The following CDK8 variants were observed in gnomAD, a reference collection of about 807,000 sequenced individuals.
CDK8 encodes the protein cyclin-dependent kinase 8.
A neutral mutation model predicts 71.5 loss-of-function variants in CDK8; 29 were observed. That is an observed-to-expected ratio of 0.41 (90% confidence interval 0.30 to 0.55). The LOEUF (loss-of-function observed/expected upper bound fraction) is 0.55. Among genes scored for constraint, CDK8 ranks in the 20% least tolerant of loss-of-function variants. CDK8 has a pLI of 0.37. For synonymous variants in CDK8, 161 were observed against 192.1 expected, an observed-to-expected ratio of 0.84 and a Z score of 1.34; for missense variants, 288 against 572.6, an observed-to-expected ratio of 0.50 and a Z score of 5.07.
At chr13:26,344,746 CA>C (rs1433079262) in intron 2 of CDK8, among the ~76,000 whole-genome samples, 2,758 of 134,500 alleles carry the variant, frequency 0.021, 25 homozygotes, top group Non-Finnish European at 0.021. Context: ...GAGACTGTCT[CA>C]AAAAAAAAAA....
At chr13:26,372,716 CT>C (rs1376326874) in intron 4 of CDK8, among the ~76,000 whole-genome samples, 2 of 152,146 alleles carry the variant, frequency 1.3e-5, no homozygotes, top group Non-Finnish European at 2.9e-5. Context: ...CCAGTATGAA[CT>C]GCTAATATAA....
At chr13:26,307,321 A>G (rs1874090864) in intron 1 of CDK8, among the ~76,000 whole-genome samples, 3 of 152,196 alleles carry the variant, frequency 2.0e-5, no homozygotes, top group African/African-American at 7.2e-5. Flanking sequence ...TAAAAGTAGA[A>G]GAGGGAGATA....
intron 4 of CDK8, among the ~76,000 whole-genome samples, chr13:26,369,130 C>G (rs954622710): frequency 6.6e-6 from 1 of 151,824 alleles, no homozygotes; most frequent in Non-Finnish European, 1.5e-5. Context: ...TTATTTGTTC[C>G]TTGAAAGTTA....
chr13:26,397,856 A>G (rs1876067686), intron 9 of CDK8, among the ~76,000 whole-genome samples: 1 of 152,194 alleles, frequency 6.6e-6, no homozygotes, highest in Non-Finnish European at 1.5e-5. Context: ...CCATTGTTAC[A>G]GCGTAATAAT....
At chr13:26,272,239 C>T (rs1384489332) in intron 1 of CDK8, among the ~76,000 whole-genome samples, 1 of 151,912 alleles carries the variant, frequency 6.6e-6, no homozygotes, top group Non-Finnish European at 1.5e-5. Flanking sequence ...CACCTGTAAT[C>T]CCAACACTTC....
chr13:26,403,900 G>A, intron 12 of CDK8, 56 bp from the exon 13 acceptor site: 2 of 1,592,850 alleles, frequency 1.3e-6, no homozygotes. Flanking sequence ...CACATATTGG[G>A]ATTGAGCTTC....
chr13:26,303,920 G>A (rs143862055), intron 1 of CDK8, among the ~76,000 whole-genome samples: 1 of 152,034 alleles, frequency 6.6e-6, no homozygotes, highest in African/African-American at 2.4e-5. Flanking sequence ...CTGTTGGTTT[G>A]ATGTTTGCCA....
chr13:26,323,923 T>C (rs1874906739), intron 1 of CDK8, among the ~76,000 whole-genome samples: 1 of 152,144 alleles, frequency 6.6e-6, no homozygotes, highest in Admixed American at 6.6e-5. Flanking sequence ...AGGCATTGGC[T>C]GTCATAGGAA....
At chr13:26,301,491 G>T (rs1020076989) in intron 1 of CDK8, among the ~76,000 whole-genome samples, 16 of 152,122 alleles carry the variant, frequency 1.1e-4, no homozygotes, top group African/African-American at 3.9e-4. Context: ...GAGGCCTAAG[G>T]GTGAGACTTA....
intron 1 of CDK8, among the ~76,000 whole-genome samples, chr13:26,295,713 A>G (rs1433265855): frequency 6.6e-6 from 1 of 152,192 alleles, no homozygotes; most frequent in Non-Finnish European, 1.5e-5. Flanking sequence ...TTTAAGTTGA[A>G]GAGTAAAACC....
chr13:26,323,049 TA>T (rs1367993827), intron 1 of CDK8, among the ~76,000 whole-genome samples: 4 of 152,178 alleles, frequency 2.6e-5, no homozygotes, highest in African/African-American at 9.6e-5. Context: ...GAGTTGAAAA[TA>T]CTGCTCGATG....
chr13:26,290,716 A>G (rs1873252526), intron 1 of CDK8, among the ~76,000 whole-genome samples: 1 of 152,112 alleles, frequency 6.6e-6, no homozygotes, highest in South Asian at 2.1e-4. Context: ...TTGGGTTTCT[A>G]AAGAAAAAAC....
chr13:26,347,039 A>G (rs1381687611), intron 2 of CDK8, among the ~76,000 whole-genome samples: 1 of 152,190 alleles, frequency 6.6e-6, no homozygotes, highest in East Asian at 1.9e-4. Flanking sequence ...ACTGATAAAG[A>G]CATAGTACTG....
chr13:26,328,470 A>G lies in CDK8; in HGVS notation c.129-9097A>G, dbSNP rs181706790. Among the ~76,000 whole-genome samples, 32 of 152,338 alleles carry G rather than the reference A, an allele frequency of 2.1e-4. 1 individual carries two copies. The South Asian group carries it at 4.4e-3, about 21-fold the overall frequency. ...ATTTAATTCTCCAGAACAGGCTCCT[A>G]AACCCTAAACCACAGAGCTTAAACC... On this transcript the variant is annotated intron_variant, in intron 1 of 12. Transcript: ENST00000381527.
intron 2 of CDK8, among the ~76,000 whole-genome samples, chr13:26,345,979 G>A (rs1873446220): frequency 6.6e-6 from 1 of 152,168 alleles, no homozygotes; most frequent in African/African-American, 2.4e-5. Context: ...AGACATTTAT[G>A]TCTCTGGATT....
At chr13:26,395,038 AAC>A (rs1286695961) in intron 7 of CDK8, among the ~76,000 whole-genome samples, 1 of 152,236 alleles carries the variant, frequency 6.6e-6, no homozygotes, top group Non-Finnish European at 1.5e-5. Flanking sequence ...AAATTGATAA[AAC>A]ACAGAAATTG....
chr13:26,304,922 C>G (rs112658429), intron 1 of CDK8, among the ~76,000 whole-genome samples: 2 of 152,260 alleles, frequency 1.3e-5, no homozygotes, highest in African/African-American at 4.8e-5. Context: ...CCTGCCTCAG[C>G]CTCCCAAACT....
chr13:26,328,430 T>G (rs766855591), intron 1 of CDK8, among the ~76,000 whole-genome samples: 1 of 152,206 alleles, frequency 6.6e-6, no homozygotes, highest in African/African-American at 2.4e-5. Context: ...TATTTTCCTA[T>G]CTTTGCAACT....
chr13:26,337,233 G>T (rs996361029), intron 1 of CDK8, among the ~76,000 whole-genome samples: 4 of 152,190 alleles, frequency 2.6e-5, no homozygotes, highest in Non-Finnish European at 4.4e-5. Flanking sequence ...TGAGAAAGCA[G>T]GTTTTATTTT....
Sources: allele counts gnomAD v4.1 joint callset (sites outside exome capture counted in the v4.1 genomes callset), GRCh38; gene constraint gnomAD v4.1.1; transcripts MANE v1.5; gene names NCBI Gene and HGNC (gene_info 2026-07-23, HGNC 2026-07-21).